NPAS3: variants seen among roughly 807,000 people sequenced by gnomAD.
NPAS3 encodes the protein neuronal PAS domain-containing protein 3.
A neutral mutation model predicts 73.1 loss-of-function variants in NPAS3; 14 were observed. That is an observed-to-expected ratio of 0.19 (90% CI 0.13 to 0.30). NPAS3 has a LOEUF of 0.30. Ranked by LOEUF, NPAS3 falls within the 10% of genes least tolerant of loss-of-function variation. The probability of loss-of-function intolerance (pLI) is 1.00; values close to 1 mark genes in which losing one functional copy is unlikely to be tolerated. For missense variants in NPAS3, 1,096 were observed against 1,250.0 expected (o/e 0.88, Z 1.86); for synonymous variants, 620 against 541.5 (o/e 1.14, Z -2.01).
At chr14:33,769,760 T>TTTTTC (rs2062588469) in intron 7 of NPAS3, among the ~76,000 whole-genome samples, 3 of 124,110 alleles carry the variant, frequency 2.4e-5, no homozygotes, top group African/African-American at 9.4e-5. Context: ...TTTTTTCTTT[T>TTTTTC]TTTTTTTTTT....
intron 4 of NPAS3, among the ~76,000 whole-genome samples, chr14:33,547,585 C>T (rs566171371): frequency 2.8e-4 from 43 of 152,218 alleles, no homozygotes; most frequent in Admixed American, 9.2e-4. Flanking sequence ...CAGCCATCAG[C>T]CCCTCTTTCA....
intron 6 of NPAS3, among the ~76,000 whole-genome samples, chr14:33,718,444 T>G (rs1268136655): frequency 6.6e-6 from 1 of 152,212 alleles, no homozygotes; most frequent in Admixed American, 6.6e-5. Flanking sequence ...AAACTTTTCT[T>G]ACTATCTTAT....
chr14:33,619,623 C>T (rs2058023286), intron 5 of NPAS3, among the ~76,000 whole-genome samples: 1 of 152,164 alleles, frequency 6.6e-6, no homozygotes, highest in Non-Finnish European at 1.5e-5. Flanking sequence ...TTTTAGAAAG[C>T]TCACACACCA....
At chr14:33,639,496 G>T (rs2058617365) in intron 5 of NPAS3, among the ~76,000 whole-genome samples, 1 of 152,136 alleles carries the variant, frequency 6.6e-6, no homozygotes, top group South Asian at 2.1e-4. Flanking sequence ...TGGCTCCTAG[G>T]ATGGAGTTCA....
chr14:33,240,363 A>G (rs951520319), intron 3 of NPAS3, among the ~76,000 whole-genome samples: 6 of 151,196 alleles, frequency 4.0e-5, no homozygotes, highest in Admixed American at 4.0e-4. Flanking sequence ...CCCTACTCTT[A>G]TTTTTCTTTT....
chr14:33,131,414 T>C (rs1215021808), intron 2 of NPAS3, among the ~76,000 whole-genome samples: 2 of 48,528 alleles, frequency 4.1e-5, no homozygotes, highest in African/African-American at 1.4e-4. Context: ...CACCCAGCCA[T>C]GTGTTCATCT....
intron 4 of NPAS3, among the ~76,000 whole-genome samples, chr14:33,386,238 T>A (rs1238931121): frequency 1.3e-5 from 2 of 152,102 alleles, no homozygotes; most frequent in Non-Finnish European, 2.9e-5. Flanking sequence ...CCCTTTTACA[T>A]GAAAAAAGGG....
chr14:33,743,041 A>T (rs532117838), intron 7 of NPAS3, among the ~76,000 whole-genome samples: 2 of 149,416 alleles, frequency 1.3e-5, no homozygotes, highest in Admixed American at 6.6e-5. Flanking sequence ...AGTCTTGAGC[A>T]CCTCAAAGTC....
At chr14:33,482,053 G>GTTTT (rs35267663) in intron 4 of NPAS3, among the ~76,000 whole-genome samples, 20 of 137,596 alleles carry the variant, frequency 1.5e-4, no homozygotes, top group South Asian at 2.4e-4. Context: ...TCAGAAGCAA[G>GTTTT]TTTTTTTTTT....
intron 2 of NPAS3, among the ~76,000 whole-genome samples, chr14:33,059,677 G>A (rs2041024546): frequency 6.6e-6 from 1 of 152,142 alleles, no homozygotes; most frequent in East Asian, 1.9e-4. Context: ...TTCATCAGAA[G>A]ATGCAAAAGT....
intron 7 of NPAS3, among the ~76,000 whole-genome samples, chr14:33,751,818 T>A (rs1160630673): frequency 6.6e-6 from 1 of 152,194 alleles, no homozygotes; most frequent in Admixed American, 6.5e-5. Context: ...ACCCAATCCC[T>A]TTGTCCCAGT....
chr14:32,936,810 G>T (rs989921913), upstream of NPAS3, among the ~76,000 whole-genome samples: 1 of 152,144 alleles, frequency 6.6e-6, no homozygotes, highest in East Asian at 1.9e-4. Context: ...AGCACCAGGG[G>T]CAGTCCCCTA....
At chr14:33,164,487 C>T (rs73270591) in intron 2 of NPAS3, among the ~76,000 whole-genome samples, 7,224 of 151,682 alleles carry the variant, frequency 0.048, 333 homozygotes, top group East Asian at 0.13. Context: ...ATTATTTGTT[C>T]TAAAATTCTA....
chr14:33,389,346 A>G (rs1389851001), intron 4 of NPAS3, among the ~76,000 whole-genome samples: 1 of 152,208 alleles, frequency 6.6e-6, no homozygotes. Flanking sequence ...ATCTGTTTGA[A>G]ACCAGCTTTA....
At chr14:33,657,070 T>C (rs945072864) in intron 5 of NPAS3, among the ~76,000 whole-genome samples, 1 of 152,180 alleles carries the variant, frequency 6.6e-6, no homozygotes, top group African/African-American at 2.4e-5. Context: ...GTAATGCCAA[T>C]GAACATGGAG....
At chr14:33,234,703 T>C (rs1259633917) in intron 3 of NPAS3, among the ~76,000 whole-genome samples, 2 of 152,124 alleles carry the variant, frequency 1.3e-5, no homozygotes, top group Non-Finnish European at 2.9e-5. Flanking sequence ...CAAAAAAGTG[T>C]GCATAATTTT....
chr14:32,981,084 G>T (rs937148589), intron 1 of NPAS3, among the ~76,000 whole-genome samples: 1 of 152,090 alleles, frequency 6.6e-6, no homozygotes, highest in African/African-American at 2.4e-5. Flanking sequence ...TCCACTTTCA[G>T]CCAGGAGTTA....
At chr14:33,378,822 G>C (rs1480427504) in intron 4 of NPAS3, among the ~76,000 whole-genome samples, 1 of 152,218 alleles carries the variant, frequency 6.6e-6, no homozygotes, top group East Asian at 1.9e-4. Context: ...TTGTTTGCAA[G>C]GTATGGGAAC....
chr14:33,308,566 T>G (rs1165183388), intron 3 of NPAS3, among the ~76,000 whole-genome samples: 1 of 41,810 alleles, frequency 2.4e-5, no homozygotes, highest in Non-Finnish European at 4.3e-5. Flanking sequence ...ATACATACAT[T>G]ATATATATGT....
Sources: gnomAD v4.1 joint callset for allele counts (sites outside exome capture counted in the v4.1 genomes callset) on GRCh38, gnomAD v4.1.1 for gene constraint, MANE v1.5 for transcripts, NCBI Gene and HGNC (gene_info 2026-07-23, HGNC 2026-07-21) for gene names.